Variants in HTR4 observed in about 807,000 individuals in gnomAD.
HTR4 encodes 5-hydroxytryptamine (serotonin) receptor 4, G protein-coupled.
In HTR4, 16 loss-of-function variants were observed where a neutral mutation model predicts 36.8. The observed-to-expected ratio is 0.43, with a 90% CI of 0.29 to 0.66. The LOEUF (loss-of-function observed/expected upper bound fraction) is 0.66. HTR4 is among the 30% of genes least tolerant of loss of function. The pLI, the probability that HTR4 is intolerant of heterozygous loss-of-function variation, is 0.13. For missense variants in HTR4, 438 were observed against 490.9 expected, an observed-to-expected ratio of 0.89 and a Z score of 1.02; for synonymous variants, 189 against 185.1, an observed-to-expected ratio of 1.02 and a Z score of -0.17.
chr5:148,477,140 A>G (rs1755725932), downstream of HTR4, among the ~76,000 whole-genome samples: 1 of 152,230 alleles, frequency 6.6e-6, no homozygotes, highest in Non-Finnish European at 1.5e-5. Flanking sequence ...CAGATGAAAG[A>G]TAATGTCAGT....
Position 148,509,848 on chromosome 5 carries a change from C to T in HTR4, c.684G>A (p.Met228Ile), listed in dbSNP as rs376080777. ...CGGAGGAGGCTCCTGCCCGTTGTAACATCTGGATCTGATGGGCATGCTCCT... is the reference window on the plus strand; with the variant it reads ...CGGAGGAGGCTCCTGCCCGTTGTAATATCTGGATCTGATGGGCATGCTCCT... ...TAKEHAHQIQ[M>I]LQRAGASSES... The change falls in exon 6 of 7, where the codon ATG becomes ATA. Residue 228 changes from methionine to isoleucine, a missense_variant. Transcript: ENST00000377888. The T allele has an allele frequency of 6.8e-6, 11 of 1,613,888 alleles. No individual in the cohort carries two copies. In the African/African-American group the frequency reaches 1.3e-4, roughly 20 times the overall value.
chr5:148,654,281 ATCACCTGGGCTCGCCGCGCATC>A lies in HTR4; in HGVS notation c.-289_-268del, dbSNP rs1561670178. 3.8e-5 allele frequency: 37 copies of A among 984,928 alleles called. No individual in the cohort carries two copies. The highest frequency in any genetic ancestry group is 4.3e-5 in the Non-Finnish European group (36 of 829,790). 61.0% of individuals were successfully genotyped at this position (984,928 alleles called of 1,614,324 possible). On this transcript the variant is annotated 5_prime_UTR_variant, in exon 1 of 7. The change abolishes an upstream ATG in the 5' untranslated region. Coordinates refer to ENST00000377888, the MANE Select transcript of HTR4 (RefSeq NM_000870.7). Reference sequence around the variant, plus strand: ...TGCGGGCGCAGGACCCCAGCCCCGGATCACCTGGGCTCGCCGCGCATCGTCCTTCTCCCCAACCGAGCCGGAC... The same window carrying A: ...TGCGGGCGCAGGACCCCAGCCCCGGAGTCCTTCTCCCCAACCGAGCCGGAC...
At chr5:148,557,704 G>A (rs544741238) in intron 2 of HTR4, among the ~76,000 whole-genome samples, 141 of 151,386 alleles carry the variant, frequency 9.3e-4, no homozygotes, top group Non-Finnish European at 1.4e-3. Context: ...TCAGATGAGA[G>A]CGGTATTTTG....
At chr5:148,619,997 G>C (rs1752854489) in intron 2 of HTR4, among the ~76,000 whole-genome samples, 1 of 152,142 alleles carries the variant, frequency 6.6e-6, no homozygotes, top group Non-Finnish European at 1.5e-5. Flanking sequence ...TACAAGAACA[G>C]ACAATAGACA....
At chr5:148,499,502 C>G (rs959217789) in intron 6 of HTR4, among the ~76,000 whole-genome samples, 5 of 152,150 alleles carry the variant, frequency 3.3e-5, no homozygotes, top group African/African-American at 1.2e-4. Context: ...TTAGCTCCAT[C>G]TCTTCAATAC....
intron 5 of HTR4, among the ~76,000 whole-genome samples, chr5:148,519,499 C>A (rs1391289283): frequency 6.6e-6 from 1 of 152,140 alleles, no homozygotes; most frequent in Middle Eastern, 3.2e-3. Flanking sequence ...TCTGTACTTG[C>A]ATGTATGTGT....
chr5:148,471,548 G>T (rs1443410623), intron 5 of HTR4, among the ~76,000 whole-genome samples: 1 of 152,120 alleles, frequency 6.6e-6, no homozygotes, highest in Non-Finnish European at 1.5e-5. Flanking sequence ...GTTATACGTA[G>T]AAATATTATT....
chr5:148,517,990 C>T (rs1757843247), intron 5 of HTR4, among the ~76,000 whole-genome samples: 1 of 152,150 alleles, frequency 6.6e-6, no homozygotes, highest in African/African-American at 2.4e-5. Context: ...CAACAGCCAC[C>T]CTAACCTTGA....
chr5:148,562,395 A>T (rs550691079), intron 2 of HTR4, among the ~76,000 whole-genome samples: 74 of 152,274 alleles, frequency 4.9e-4, no homozygotes, highest in South Asian at 1.2e-3. Flanking sequence ...GGAGTCATTC[A>T]TTCCTCTGGA....
Position 148,509,949 on chromosome 5 carries a change from T to C in HTR4, c.583A>G (p.Thr195Ala). Reference sequence around the variant, plus strand: ...ATGTAGAAGGCCACCACAGAGCAGGTGATGGCGTAGGGCTTGTTGACCATG... The same window carrying C: ...ATGTAGAAGGCCACCACAGAGCAGGCGATGGCGTAGGGCTTGTTGACCATG... Reference protein sequence around the residue: ...VFMVNKPYAITCSVVAFYIPF... With the variant: ...VFMVNKPYAIACSVVAFYIPF... The change falls in exon 6 of 7, where the codon ACC (threonine) becomes GCC (alanine). Residue 195 changes from threonine to alanine, a missense_variant. Thr to Ala is a moderately conservative substitution (Grantham distance 58). Transcript: ENST00000377888. 1 of 1,613,832 alleles carries C rather than the reference T, an allele frequency of 6.2e-7. No individual in the cohort carries two copies. The highest frequency in any genetic ancestry group is 8.5e-7 in the Non-Finnish European group (1 of 1,179,928).
At chr5:148,647,427 T>C (rs1753905434) in intron 1 of HTR4, among the ~76,000 whole-genome samples, 1 of 152,174 alleles carries the variant, frequency 6.6e-6, no homozygotes, top group East Asian at 1.9e-4. Context: ...TGTGGCTCAA[T>C]GTAATGGAAA....
chr5:148,577,271 T>C (rs990804012), intron 2 of HTR4, among the ~76,000 whole-genome samples: 5 of 152,144 alleles, frequency 3.3e-5, no homozygotes, highest in African/African-American at 1.2e-4. Context: ...AATGATATAC[T>C]ATCTCACATC....
chr5:148,529,928 T>C (rs1264799085), intron 4 of HTR4, among the ~76,000 whole-genome samples: 5 of 152,178 alleles, frequency 3.3e-5, no homozygotes, highest in Non-Finnish European at 7.3e-5. Flanking sequence ...ATTGGTGGCA[T>C]TTTACCCCTG....
At chr5:148,591,265 G>A (rs997449483) in intron 2 of HTR4, among the ~76,000 whole-genome samples, 3 of 151,956 alleles carry the variant, frequency 2.0e-5, no homozygotes, top group African/African-American at 7.2e-5. Context: ...GTAACATTAC[G>A]CCTCCATCTT....
intron 2 of HTR4, among the ~76,000 whole-genome samples, chr5:148,605,256 C>CTTTTTTTTT (rs869039969): frequency 1.6e-4 from 7 of 42,652 alleles, no homozygotes; most frequent in Admixed American, 6.1e-4. Context: ...CTTTTCTTTT[C>CTTTTTTTTT]TTTTTTTTTT....
chr5:148,533,207 C>G (rs1758660923), intron 4 of HTR4, among the ~76,000 whole-genome samples: 2 of 152,318 alleles, frequency 1.3e-5, no homozygotes, highest in South Asian at 4.1e-4. Flanking sequence ...ATCTCCCATT[C>G]TTCCTTAACC....
chr5:148,507,057 A>G (rs1402882372), intron 6 of HTR4, among the ~76,000 whole-genome samples: 2 of 152,160 alleles, frequency 1.3e-5, no homozygotes, highest in African/African-American at 4.8e-5. Context: ...TCATGCTGCT[A>G]TAAAGACACA....
chr5:148,589,020 A>G (rs576385260), intron 2 of HTR4, among the ~76,000 whole-genome samples: 3 of 152,276 alleles, frequency 2.0e-5, no homozygotes, highest in Non-Finnish European at 2.9e-5. Flanking sequence ...GAGATTGTCT[A>G]TAGTATATGT....
At position 148,573,979 on chromosome 5, in the gene HTR4, C is replaced by T. The variant is rs77461615; in HGVS notation, c.27-23717G>A. 7.4e-3 allele frequency among the ~76,000 whole-genome samples: 1,128 copies of T among 152,110 alleles called. 42 individuals carry two copies. Among genetic ancestry groups the T allele is most frequent in the Admixed American group, 0.06 (916 of 15,266 alleles). ...GTACCAGATATTTGGAGAAAAATTA[C>T]CAGTTCTCAGGCCAGCTAAACAACC... On this transcript the variant is annotated intron_variant, in intron 2 of 6. Transcript: ENST00000377888.
Sources: gnomAD v4.1 joint callset for allele counts (sites outside exome capture counted in the v4.1 genomes callset) on GRCh38, gnomAD v4.1.1 for gene constraint, MANE v1.5 for transcripts, NCBI Gene and HGNC (gene_info 2026-07-23, HGNC 2026-07-21) for gene names.